AFF3: variants seen among roughly 807,000 people sequenced by gnomAD.
The protein encoded by AFF3 is ALF transcription elongation factor 3.
In AFF3, 32 loss-of-function variants were observed where a neutral mutation model predicts 129.7. The ratio of observed to expected loss-of-function variants is 0.25; its 90% CI spans 0.19 to 0.33. The LOEUF is 0.33. AFF3 is among the 10% of genes least tolerant of loss of function. The pLI, the probability that AFF3 is intolerant of heterozygous loss-of-function variation, is 1.00. For missense variants in AFF3, 1,373 were observed against 1,592.0 expected (o/e 0.86, Z 2.34); for synonymous variants, 644 against 635.4 (o/e 1.01, Z -0.20).
intron 11 of AFF3, among the ~76,000 whole-genome samples, chr2:99,704,749 C>G (rs1677193977): frequency 6.6e-6 from 1 of 152,192 alleles, no homozygotes; most frequent in Non-Finnish European, 1.5e-5. Context: ...TCTATTGGCA[C>G]AGGCCCCAGG....
At position 100,007,231 on chromosome 2, in the gene AFF3, G is replaced by C; in HGVS notation, c.404C>G (p.Ala135Gly). The change falls in exon 6 of 25, where the codon GCT becomes GGT. Residue 135 changes from alanine (A) to glycine (G), a missense_variant. By Grantham distance (60) the Ala-to-Gly change is moderately conservative. Transcript: ENST00000672756. ...TCTCTTACTCTGCTGCACGGGGACA[G>C]CTGCTGGTGTGGAAGTTGTAGTGCT... The part of the protein sequence containing the change: ...ICSTTTSTPA[A>G]VPVQQSKRGT... The C allele has an allele frequency of 6.2e-7, 1 of 1,614,178 alleles. No individual in the cohort carries two copies. Among genetic ancestry groups the C allele is most frequent in the Non-Finnish European group, 8.5e-7 (1 of 1,180,046 alleles).
rs1553486293 is a variant in AFF3, at chr2:99,947,669, C to CAGACAGAT, written c.873+58962_873+58963insATCTGTCT. Among the ~76,000 whole-genome samples the CAGACAGAT allele has an allele frequency of 2.8e-3, 417 of 149,296 alleles. 1 individual carries two copies. Among genetic ancestry groups the CAGACAGAT allele is most frequent in the African/African-American group, 4.2e-3 (167 of 40,210 alleles). On this transcript the variant is annotated intron_variant, in intron 7 of 24. Transcript: ENST00000672756. ...ATAGATAGATAGACAGACAGACAGACAGATAGATCGATCCAAACACAGGCA... is the reference window on the plus strand; with the variant it reads ...ATAGATAGATAGACAGACAGACAGACAGACAGATAGATAGATCGATCCAAACACAGGCA...
At chr2:99,628,740 A>ATTTTTTTTTT (rs1682844552) in intron 13 of AFF3, among the ~76,000 whole-genome samples, 1 of 5,436 alleles carries the variant, frequency 1.8e-4, no homozygotes, top group Non-Finnish European at 3.4e-4. Flanking sequence ...TTTTTTTTTG[A>ATTTTTTTTTT]GACAGAGTCT....
chr2:99,580,182 C>T (rs147082961), intron 17 of AFF3, among the ~76,000 whole-genome samples: 1 of 152,164 alleles, frequency 6.6e-6, no homozygotes, highest in African/African-American at 2.4e-5. Flanking sequence ...GCTTCCTCTG[C>T]CTGTAATGCT....
At chr2:99,647,981 G>A (rs1311417714) in intron 13 of AFF3, among the ~76,000 whole-genome samples, 2 of 152,058 alleles carry the variant, frequency 1.3e-5, no homozygotes, top group Admixed American at 1.3e-4. Flanking sequence ...TATATGTTTT[G>A]GGAAGAAATC....
chr2:99,947,052 A>G (rs987651136), intron 7 of AFF3, among the ~76,000 whole-genome samples: 1 of 152,178 alleles, frequency 6.6e-6, no homozygotes, highest in African/African-American at 2.4e-5. Flanking sequence ...ATATTTATTC[A>G]ATATTTATTA....
rs1679832631 is a variant in AFF3 at position 99,601,529 on chromosome 2, C to G, written c.1277G>C (p.Ser426Thr). 1 of 1,603,622 alleles carries G rather than the reference C, an allele frequency of 6.2e-7. No homozygotes were observed. The highest frequency in any genetic ancestry group is 1.7e-5 in the Admixed American group (1 of 58,208). Residue 426 changes from serine (S) to threonine (T), a missense_variant, in exon 14 of 25, where the codon AGC becomes ACC. Coordinates refer to ENST00000672756, the MANE Select transcript of AFF3 (RefSeq NM_001386135.1). ...SSSSGSSSSS[S>T]DSESSSGSDS... is the part of the protein sequence containing the mutation. ...AGATCCGGAGCTGCTCTCTGAGTCG[C>G]TGGAGGAGCTGCTGCTGCCGCTGCT...
At chr2:100,119,164 C>T (rs1691850182) in intron 2 of AFF3, among the ~76,000 whole-genome samples, 1 of 152,108 alleles carries the variant, frequency 6.6e-6, no homozygotes, top group Non-Finnish European at 1.5e-5. Context: ...TGTGTGAGAC[C>T]CCTGCTTATG....
intron 7 of AFF3, among the ~76,000 whole-genome samples, chr2:99,929,956 G>A (rs1696551002): frequency 6.7e-6 from 1 of 149,508 alleles, no homozygotes. Flanking sequence ...TTCTTCATGT[G>A]TTACAAACTC....
intron 12 of AFF3, among the ~76,000 whole-genome samples, chr2:99,658,008 C>A (rs532422248): frequency 1.3e-5 from 2 of 152,290 alleles, no homozygotes; most frequent in South Asian, 4.1e-4. Context: ...TAGAGATAAA[C>A]CCACGTGTGA....
chr2:99,579,678 C>T (rs1056022776), intron 17 of AFF3, among the ~76,000 whole-genome samples: 6 of 152,156 alleles, frequency 3.9e-5, no homozygotes, highest in Admixed American at 3.3e-4. Context: ...CAAGACTGCA[C>T]CATTGCACTC....
chr2:100,042,471 T>C (rs915926160), intron 4 of AFF3, among the ~76,000 whole-genome samples: 5 of 152,144 alleles, frequency 3.3e-5, no homozygotes, highest in African/African-American at 9.7e-5. Flanking sequence ...TGACACACAA[T>C]AGATCCACCA....
At chr2:99,706,522 T>C (rs1367748584) in intron 11 of AFF3, among the ~76,000 whole-genome samples, 1 of 152,238 alleles carries the variant, frequency 6.6e-6, no homozygotes, top group Non-Finnish European at 1.5e-5. Context: ...GAAGTTTTTG[T>C]AGTATCTTTA....
intron 7 of AFF3, among the ~76,000 whole-genome samples, chr2:99,914,154 C>A (rs1179946999): frequency 6.6e-6 from 1 of 152,152 alleles, no homozygotes; most frequent in Non-Finnish European, 1.5e-5. Flanking sequence ...TGATGGCATT[C>A]ACATCACCAG....
chr2:99,616,352 T>A (rs533710446), intron 13 of AFF3, among the ~76,000 whole-genome samples: 61 of 151,954 alleles, frequency 4.0e-4, no homozygotes, highest in South Asian at 1.0e-3. Flanking sequence ...TTTTTTTTTT[T>A]AAAAACATCT....
chr2:99,657,050 T>G (rs1044723689), intron 12 of AFF3, among the ~76,000 whole-genome samples: 2 of 152,140 alleles, frequency 1.3e-5, no homozygotes, highest in African/African-American at 4.8e-5. Context: ...GTCGCTCTAA[T>G]GAGGACTGCT....
At position 100,069,653 on chromosome 2, in the gene AFF3, T is replaced by C. The variant is rs144019663; in HGVS notation, c.53+34749A>G. On this transcript the variant is annotated intron_variant, in intron 4 of 24. Coordinates refer to ENST00000672756, the MANE Select transcript of AFF3 (RefSeq NM_001386135.1). The stretch of plus-strand genomic sequence containing the variant: ...ATCTCCTATTTTCTTGCCTGTTTTT[T>C]AATCCTGTCTTGTTCTTCAAGCAAC... Among the ~76,000 whole-genome samples, 3 of 152,326 alleles carry C rather than the reference T, an allele frequency of 2.0e-5. No individual in the cohort carries two copies. The East Asian group carries it at 5.8e-4, about 29-fold the overall frequency.
At chr2:99,703,312 C>T (rs1267416673) in intron 11 of AFF3, among the ~76,000 whole-genome samples, 2 of 152,158 alleles carry the variant, frequency 1.3e-5, no homozygotes, top group Non-Finnish European at 2.9e-5. Context: ...CCTTCTGCCA[C>T]GTAAGGTAAC....
chr2:99,990,034 A>G (rs911332803), intron 7 of AFF3, among the ~76,000 whole-genome samples: 44 of 152,284 alleles, frequency 2.9e-4, no homozygotes, highest in African/African-American at 1.0e-3. Context: ...TGGTCAAGAA[A>G]AGCTGTATTC....
Sources: allele counts gnomAD v4.1 joint callset (sites outside exome capture counted in the v4.1 genomes callset), GRCh38; gene constraint gnomAD v4.1.1; transcripts MANE v1.5; gene names NCBI Gene and HGNC (gene_info 2026-07-23, HGNC 2026-07-21).